MED13L: variants seen among roughly 807,000 people sequenced by gnomAD.
The protein encoded by MED13L is mediator of RNA polymerase II transcription subunit 13-like.
MED13L carries 7 observed loss-of-function variants against 220.9 expected under a neutral mutation model. That is an observed-to-expected ratio of 0.03 (90% confidence interval 0.02 to 0.06). MED13L has a LOEUF of 0.06. Ranked by LOEUF, MED13L falls within the 10% of genes least tolerant of loss-of-function variation. The probability of loss-of-function intolerance (pLI) is 1.00; values close to 1 mark genes in which losing one functional copy is unlikely to be tolerated. For synonymous variants in MED13L, 1,011 were observed against 1,015.2 expected, an observed-to-expected ratio of 1.00 and a Z score of 0.08; for missense variants, 1,965 against 2,760.5, an observed-to-expected ratio of 0.71 and a Z score of 6.46.
At chr12:116,067,792 T>C (rs1870063600) in intron 4 of MED13L, among the ~76,000 whole-genome samples, 1 of 152,164 alleles carries the variant, frequency 6.6e-6, no homozygotes, top group African/African-American at 2.4e-5. Context: ...ATAACAATCC[T>C]TACTTCACAG....
intron 2 of MED13L, among the ~76,000 whole-genome samples, chr12:116,200,156 T>C (rs938085353): frequency 6.6e-6 from 1 of 151,744 alleles, no homozygotes; most frequent in African/African-American, 2.4e-5. Context: ...AAAAATTACA[T>C]GACTAAATTA....
Position 115,961,360 on chromosome 12 carries a change from G to A in MED13L, c.6539C>T (p.Thr2180Met), listed in dbSNP as rs1875744082. 1 of 1,614,054 alleles carries A rather than the reference G, an allele frequency of 6.2e-7. No individual in the cohort carries two copies. Among genetic ancestry groups the A allele is most frequent in the Non-Finnish European group, 8.5e-7 (1 of 1,179,984 alleles). Residue 2180 changes from threonine to methionine, a missense_variant, in exon 31 of 31, where the codon ACG becomes ATG. Physicochemically the swap from Thr to Met is moderately conservative, Grantham distance 81. Around this residue, in one of 10 missense-constraint regions of MED13L, gnomAD observed 145 missense variants for 328.3 expected, o/e 0.44. Coordinates refer to ENST00000281928, the MANE Select transcript of MED13L (RefSeq NM_015335.5). ...ACGGTCCTGGGTGGCCGGATTGCAC[G>A]TGAGCCAGGACAGAGCGTTGTACTG... Reference protein sequence around the residue: ...LEQYNALSWLTCNPATQDRTS... With the variant: ...LEQYNALSWLMCNPATQDRTS...
intron 30 of MED13L, among the ~76,000 whole-genome samples, chr12:115,961,814 T>C (rs1875779191): frequency 6.6e-6 from 1 of 151,936 alleles, no homozygotes. Context: ...CTATTAAAAA[T>C]ACAAAAATTA....
At chr12:116,174,835 G>A (rs1452547645) in intron 2 of MED13L, 2 of 152,404 alleles carry the variant, frequency 1.3e-5, no homozygotes, top group African/African-American at 4.8e-5. Flanking sequence ...GGCCACCACA[G>A]AGGGAAGATC....
intron 2 of MED13L, among the ~76,000 whole-genome samples, chr12:116,188,227 A>C (rs1881029108): frequency 6.6e-6 from 1 of 152,206 alleles, no homozygotes; most frequent in Admixed American, 6.5e-5. Context: ...ATGGCTAACA[A>C]AACCAATTTT....
chr12:116,118,074 G>A (rs1406849825), intron 2 of MED13L, among the ~76,000 whole-genome samples: 3 of 152,122 alleles, frequency 2.0e-5, no homozygotes, highest in Non-Finnish European at 2.9e-5. Context: ...CTCCCAAAGT[G>A]CTGGGATTAC....
At chr12:116,160,011 T>A (rs2138131811) in intron 2 of MED13L, among the ~76,000 whole-genome samples, 1 of 152,338 alleles carries the variant, frequency 6.6e-6, no homozygotes, top group African/African-American at 2.4e-5. Flanking sequence ...ATGGAATCTG[T>A]TACGCAGACC....
chr12:116,177,784 G>T (rs995321989), intron 2 of MED13L, among the ~76,000 whole-genome samples: 2 of 152,140 alleles, frequency 1.3e-5, no homozygotes, highest in Admixed American at 1.3e-4. Flanking sequence ...AAAAAAGTCA[G>T]TGTAAGGAAA....
chr12:116,226,454 T>C (rs528285212), intron 2 of MED13L, among the ~76,000 whole-genome samples: 1 of 152,316 alleles, frequency 6.6e-6, no homozygotes, highest in East Asian at 1.9e-4. Flanking sequence ...TAAAGAAAAT[T>C]ATGGAACACT....
intron 10 of MED13L, 48 bp downstream of exon 10, chr12:116,008,353 C>A: frequency 6.4e-7 from 1 of 1,564,702 alleles, no homozygotes; most frequent in Non-Finnish European, 8.7e-7. Flanking sequence ...GGGGAGGGAG[C>A]CCATGCCCTT....
chr12:116,240,960 A>C (rs1248928255), intron 1 of MED13L, among the ~76,000 whole-genome samples: 1 of 152,156 alleles, frequency 6.6e-6, no homozygotes, highest in African/African-American at 2.4e-5. Context: ...AAGCTAAAGA[A>C]AGTATTCTGT....
chr12:116,214,128 T>C (rs1318618449), intron 2 of MED13L, among the ~76,000 whole-genome samples: 7 of 152,250 alleles, frequency 4.6e-5, no homozygotes, highest in African/African-American at 1.7e-4. Flanking sequence ...ACACTTGCTT[T>C]GCTTTCACTT....
At chr12:116,183,216 A>G (rs75311752) in intron 2 of MED13L, among the ~76,000 whole-genome samples, 3,027 of 152,306 alleles carry the variant, frequency 0.02, 57 homozygotes, top group Middle Eastern at 0.054. Context: ...AAATAAATTC[A>G]CAGTGGTTAA....
At chr12:116,157,227 T>C (rs1355760795) in intron 2 of MED13L, among the ~76,000 whole-genome samples, 2 of 152,206 alleles carry the variant, frequency 1.3e-5, no homozygotes, top group Non-Finnish European at 2.9e-5. Flanking sequence ...TTCACTATAC[T>C]AGTATACTAC....
chr12:116,167,483 G>A (rs887589496), intron 2 of MED13L, among the ~76,000 whole-genome samples: 5 of 151,972 alleles, frequency 3.3e-5, no homozygotes, highest in Non-Finnish European at 5.9e-5. Flanking sequence ...GAGGTTTAAC[G>A]TTTCCCCACA....
intron 3 of MED13L, among the ~76,000 whole-genome samples, chr12:116,101,995 A>C (rs1873099515): frequency 6.6e-6 from 1 of 152,240 alleles, no homozygotes; most frequent in Admixed American, 6.5e-5. Flanking sequence ...GTACAATATT[A>C]TCTGGCAAGA....
intron 28 of MED13L, among the ~76,000 whole-genome samples, chr12:115,967,170 C>CA (rs34377158): frequency 0.2 from 8,902 of 44,714 alleles, 2,170 homozygotes; most frequent in African/African-American, 0.26. Flanking sequence ...GACTCTGTCT[C>CA]AAAAAAAAAA....
At chr12:116,169,718 A>G (rs1033902505) in intron 2 of MED13L, among the ~76,000 whole-genome samples, 3 of 152,230 alleles carry the variant, frequency 2.0e-5, no homozygotes, top group African/African-American at 7.2e-5. Flanking sequence ...ACAGAACCTA[A>G]AACTATCAAG....
intron 4 of MED13L, among the ~76,000 whole-genome samples, chr12:116,048,615 T>C (rs997138565): frequency 6.6e-6 from 1 of 152,076 alleles, no homozygotes; most frequent in African/African-American, 2.4e-5. Flanking sequence ...TGATAATGCT[T>C]AAGAAATAAA....
Sources: allele counts gnomAD v4.1 joint callset (sites outside exome capture counted in the v4.1 genomes callset), GRCh38; gene constraint gnomAD v4.1.1; regional missense constraint gnomAD v4.1.1; transcripts MANE v1.5; gene names NCBI Gene and HGNC (gene_info 2026-07-23, HGNC 2026-07-21).